The following TIPIN variants were observed in gnomAD, a reference collection of about 807,000 sequenced individuals.
The protein encoded by TIPIN is TIMELESS interacting protein.
A neutral mutation model predicts 35.6 loss-of-function variants in TIPIN; 29 were observed. That is an observed-to-expected ratio of 0.82 (90% CI 0.61 to 1.11). The LOEUF (loss-of-function observed/expected upper bound fraction) is 1.11, where lower values mean the gene tolerates loss of function less well. TIPIN is among the 50% of genes most tolerant of loss of function. The probability of loss-of-function intolerance (pLI) is 0.00; values close to 1 mark genes in which losing one functional copy is unlikely to be tolerated. For synonymous variants in TIPIN, 102 were observed against 121.5 expected (o/e 0.84, Z 1.06); for missense variants, 296 against 345.4 (o/e 0.86, Z 1.13).
intron 1 of TIPIN, among the ~76,000 whole-genome samples, chr15:66,368,772 T>A (rs1008178511): frequency 6.6e-6 from 1 of 152,186 alleles, no homozygotes; most frequent in African/African-American, 2.4e-5. Flanking sequence ...TTTTTTGGCA[T>A]AATCAAGACG....
intron 7 of TIPIN, among the ~76,000 whole-genome samples, chr15:66,340,171 CT>C (rs1213707475): frequency 0.14 from 9,897 of 69,118 alleles, 202 homozygotes; most frequent in Non-Finnish European, 0.18. Context: ...TGCGCCTGGC[CT>C]TTTTTTTTTT....
intron 1 of TIPIN, among the ~76,000 whole-genome samples, chr15:66,354,600 A>G (rs1395890088): frequency 6.6e-6 from 1 of 152,168 alleles, no homozygotes; most frequent in East Asian, 1.9e-4. Context: ...TGCTCTTAAG[A>G]TAAAGACAAA....
At chr15:66,364,118 T>G (rs1397557574) in intron 1 of TIPIN, among the ~76,000 whole-genome samples, 1 of 148,810 alleles carries the variant, frequency 6.7e-6, no homozygotes. Context: ...GGGACAAATA[T>G]CCAAACCATA....
chr15:66,384,455 T>C (rs1195596531), intron 1 of TIPIN, among the ~76,000 whole-genome samples: 3 of 151,746 alleles, frequency 2.0e-5, no homozygotes, highest in Non-Finnish European at 4.4e-5. Context: ...CCACCATGCC[T>C]GGCTAATTTT....
At chr15:66,356,698 C>T, upstream of TIPIN, 1 of 985,514 alleles carries the variant, frequency 1.0e-6, no homozygotes, top group Non-Finnish European at 1.2e-6. Context: ...GCGCGCTTCT[C>T]GCGATACTCG....
At chr15:66,350,529 C>T (rs957603887) in intron 4 of TIPIN, among the ~76,000 whole-genome samples, 2 of 151,562 alleles carry the variant, frequency 1.3e-5, no homozygotes, top group Middle Eastern at 3.4e-3. Context: ...CGCTTGAACC[C>T]AAGCGGCGGA....
chr15:66,379,995 T>TTTA, intron 1 of TIPIN: 10 of 466,718 alleles, frequency 2.1e-5, no homozygotes, highest in East Asian at 5.0e-5. Context: ...CTTTTCTTTC[T>TTTA]TTCTTTCTTT....
chr15:66,370,061 G>C (rs2093272288), intron 1 of TIPIN, among the ~76,000 whole-genome samples: 1 of 152,156 alleles, frequency 6.6e-6, no homozygotes, highest in South Asian at 2.1e-4. Context: ...TCTCAAACCA[G>C]ACTTGAAAAT....
Position 66,379,903 on chromosome 15 carries a change from G to C in TIPIN, c.-9+6704C>G, listed in dbSNP as rs2093311755. ...GGAATGTCGACAGTCTGATTAATGA[G>C]AATGGTCTTCACTCTCGCAGTACAC... On this transcript the variant is annotated intron_variant, in intron 1 of 7. Transcript: ENST00000562124. 32 of 1,539,320 alleles carry C rather than the reference G, an allele frequency of 2.1e-5. 1 individual carries two copies. In the South Asian group the frequency reaches 3.5e-4, roughly 17 times the overall value.
At chr15:66,343,754 T>A (rs1431414799) in intron 6 of TIPIN, among the ~76,000 whole-genome samples, 1 of 152,136 alleles carries the variant, frequency 6.6e-6, no homozygotes, top group African/African-American at 2.4e-5. Context: ...ATCCCAGCAC[T>A]TTTGGGGGCC....
At chr15:66,373,616 C>G (rs1468352935) in intron 1 of TIPIN, among the ~76,000 whole-genome samples, 1 of 151,960 alleles carries the variant, frequency 6.6e-6, no homozygotes, top group Non-Finnish European at 1.5e-5. Context: ...CACAAATATA[C>G]TCTCACCATC....
chr15:66,382,883 T>C (rs1395801888), intron 1 of TIPIN: 2 of 881,252 alleles, frequency 2.3e-6, no homozygotes, highest in Non-Finnish European at 2.7e-6. Context: ...CTTGTCTGTA[T>C]GGTCAGCACT....
chr15:66,358,847 C>T (rs2093218471), upstream of TIPIN, among the ~76,000 whole-genome samples: 1 of 152,070 alleles, frequency 6.6e-6, no homozygotes, highest in Admixed American at 6.6e-5. Flanking sequence ...AATTCGAGAC[C>T]AGCCTGGCCA....
intron 1 of TIPIN, among the ~76,000 whole-genome samples, chr15:66,364,930 C>T (rs917666656): frequency 8.9e-6 from 1 of 112,660 alleles, no homozygotes; most frequent in African/African-American, 3.5e-5. Flanking sequence ...CACGTCACTG[C>T]ATTCCAGCCT....
upstream of TIPIN, among the ~76,000 whole-genome samples, chr15:66,358,579 A>G (rs2093217437): frequency 6.6e-6 from 1 of 151,924 alleles, no homozygotes; most frequent in Admixed American, 6.6e-5. Flanking sequence ...ACACCCAGCT[A>G]ATTTTTTAAA....
intron 1 of TIPIN, among the ~76,000 whole-genome samples, chr15:66,366,675 G>A (rs2093255870): frequency 6.7e-6 from 1 of 149,822 alleles, no homozygotes; most frequent in African/African-American, 2.5e-5. Flanking sequence ...GCCGGGGCAG[G>A]AGAATTGCTT....
Position 66,353,693 on chromosome 15 carries a change from T to C in TIPIN, c.-8-738A>G, listed in dbSNP as rs960572780. ...TTAAAAATAAAAAAAAATTTTTAAA[T>C]GTGTTTACATATTGGTCTTCTAGGT... On this transcript the variant is annotated intron_variant, in intron 1 of 7. Transcript: ENST00000261881. 5.9e-5 allele frequency among the ~76,000 whole-genome samples: 9 copies of C among 152,130 alleles called. No individual in the cohort carries two copies. In the South Asian group the frequency reaches 1.5e-3, roughly 25 times the overall value.
chr15:66,374,568 T>G (rs957801102), intron 1 of TIPIN, among the ~76,000 whole-genome samples: 29 of 151,740 alleles, frequency 1.9e-4, no homozygotes, highest in South Asian at 8.3e-4. Context: ...GGCTAATTTT[T>G]TTTGTTTGTT....
Position 66,379,303 on chromosome 15 carries a change from C to T in TIPIN, c.-9+7304G>A, listed in dbSNP as rs1001659133. On this transcript the variant is annotated intron_variant, in intron 1 of 7. Transcript: ENST00000562124. ...CAAGTAGGTCTTAGGAGTCATCTGG[C>T]GTCTTCTTTCTGTAGCTGGATAACT... is the stretch of plus-strand genomic sequence containing the variant. The T allele has an allele frequency of 1.1e-5, 18 of 1,565,606 alleles. No individual in the cohort carries two copies. The Admixed American group carries it at 1.3e-4, about 11-fold the overall frequency.
Sources: gnomAD v4.1 joint callset for allele counts (sites outside exome capture counted in the v4.1 genomes callset) on GRCh38, gnomAD v4.1.1 for gene constraint, MANE v1.5 for transcripts, NCBI Gene and HGNC (gene_info 2026-07-23, HGNC 2026-07-21) for gene names.